IGF2BP2: variants seen among roughly 807,000 people sequenced by gnomAD.
The protein encoded by IGF2BP2 is insulin like growth factor 2 mRNA binding protein 2.
A neutral mutation model predicts 75.8 loss-of-function variants in IGF2BP2; 17 were observed. That is an observed-to-expected ratio of 0.22 (90% CI 0.15 to 0.34). IGF2BP2 has a LOEUF of 0.34. Ranked by LOEUF, IGF2BP2 falls within the 10% of genes least tolerant of loss-of-function variation. The pLI, the probability that IGF2BP2 is intolerant of heterozygous loss-of-function variation, is 1.00. For missense variants in IGF2BP2, 516 were observed against 772.4 expected, an observed-to-expected ratio of 0.67 and a Z score of 3.93; for synonymous variants, 288 against 295.6, an observed-to-expected ratio of 0.97 and a Z score of 0.26.
chr3:185,808,578 G>GTCTC (rs368893726), intron 2 of IGF2BP2, among the ~76,000 whole-genome samples: 3 of 150,034 alleles, frequency 2.0e-5, no homozygotes, highest in Non-Finnish European at 3.0e-5. Context: ...CTGAGACAGG[G>GTCTC]TCTCTCTCTC....
intron 7 of IGF2BP2, among the ~76,000 whole-genome samples, chr3:185,677,569 G>A (rs1163488482): frequency 4.2e-4 from 64 of 152,090 alleles, no homozygotes; most frequent in Non-Finnish European, 1.5e-4. Flanking sequence ...AAGAAACAGA[G>A]AAGCATGACC....
rs981132159 is a variant in IGF2BP2, at chr3:185,688,656, GA to G, written c.677+698del. On this transcript the variant is annotated intron_variant, in intron 6 of 15. Coordinates refer to ENST00000382199, the MANE Select transcript of IGF2BP2 (RefSeq NM_006548.6). Reference sequence around the variant, plus strand: ...CTGTAATACAGAGGGTGCCCAGCCAGAACCCTCTTTTTATAGAAGAGGCAAC... The same window carrying G: ...CTGTAATACAGAGGGTGCCCAGCCAGACCCTCTTTTTATAGAAGAGGCAAC... Among the ~76,000 whole-genome samples the G allele has an allele frequency of 2.4e-3, 362 of 152,272 alleles. 2 individuals are homozygous for G. Among genetic ancestry groups the G allele is most frequent in the African/African-American group, 7.7e-3 (321 of 41,568 alleles).
intron 2 of IGF2BP2, among the ~76,000 whole-genome samples, chr3:185,743,329 G>A (rs1248073607): frequency 2.0e-5 from 3 of 152,096 alleles, no homozygotes; most frequent in Non-Finnish European, 4.4e-5. Flanking sequence ...AGGCTGGAGT[G>A]CAGTAACACG....
At chr3:185,670,489 T>A (rs947109456) in intron 10 of IGF2BP2, among the ~76,000 whole-genome samples, 1 of 152,216 alleles carries the variant, frequency 6.6e-6, no homozygotes, top group African/African-American at 2.4e-5. Context: ...AAAACTTTAT[T>A]AATGAAAATA....
At chr3:185,738,737 A>T (rs1729162735) in intron 2 of IGF2BP2, among the ~76,000 whole-genome samples, 1 of 152,252 alleles carries the variant, frequency 6.6e-6, no homozygotes. Flanking sequence ...CTGGTACTTC[A>T]TCCAACAAAG....
chr3:185,691,902 T>C (rs1722000675), intron 5 of IGF2BP2, among the ~76,000 whole-genome samples: 1 of 152,160 alleles, frequency 6.6e-6, no homozygotes, highest in South Asian at 2.1e-4. Context: ...TCCCAGCTAA[T>C]TTTTAAATTG....
intron 2 of IGF2BP2, among the ~76,000 whole-genome samples, chr3:185,819,848 G>T (rs1741095241): frequency 6.6e-6 from 1 of 151,652 alleles, no homozygotes; most frequent in African/African-American, 2.4e-5. Context: ...GAGATTGGAT[G>T]TTTTTTTCTT....
At position 185,704,227 on chromosome 3, in the gene IGF2BP2, A is replaced by C. The variant is rs1578030790; in HGVS notation, c.240-5880T>G. On this transcript the variant is annotated intron_variant, in intron 2 of 15. Transcript: ENST00000382199. ...CCGGCCCCGAGCTGGGACAGAAACC[A>C]CCAGCGCTCCCAGCCCTCCTCCCCT... is the stretch of plus-strand genomic sequence containing the variant. Among the ~76,000 whole-genome samples the C allele has an allele frequency of 2.6e-5, 4 of 152,324 alleles. No individual in the cohort carries two copies. In the South Asian group the frequency reaches 6.2e-4, roughly 24 times the overall value.
intron 2 of IGF2BP2, among the ~76,000 whole-genome samples, chr3:185,799,124 G>A (rs1486551303): frequency 6.7e-6 from 1 of 150,058 alleles, no homozygotes; most frequent in Non-Finnish European, 1.5e-5. Context: ...TGCAGGCCGG[G>A]CACAGTGGCT....
At chr3:185,778,295 T>TA (rs1332605422) in intron 2 of IGF2BP2, among the ~76,000 whole-genome samples, 1 of 151,986 alleles carries the variant, frequency 6.6e-6, no homozygotes, top group East Asian at 1.9e-4. Context: ...AGGGACAACT[T>TA]AGACACGCCA....
chr3:185,687,286 CACAG>C, intron 6 of IGF2BP2, 95 bp from the exon 7 acceptor site: 1 of 1,299,386 alleles, frequency 7.7e-7, no homozygotes, highest in South Asian at 1.6e-5. Context: ...ACAGCAAGGA[CACAG>C]ACAGACAAGG....
At chr3:185,657,823 G>A (rs184993571) in intron 11 of IGF2BP2, among the ~76,000 whole-genome samples, 32 of 152,302 alleles carry the variant, frequency 2.1e-4, no homozygotes, top group African/African-American at 7.2e-4. Context: ...AACACATCTG[G>A]TATCCGGAGA....
chr3:185,672,583 C>G lies in IGF2BP2; in HGVS notation c.1158G>C (p.Gly386=). 6.2e-7 allele frequency: 1 copy of G among 1,613,580 alleles called. No homozygotes were observed. Among genetic ancestry groups the G allele is most frequent in the Non-Finnish European group, 8.5e-7 (1 of 1,179,706 alleles). Residue 386 remains glycine (G), a synonymous_variant, in exon 10 of 16, where the codon GGG becomes GGC. Transcript: ENST00000382199. ...GGGCAGCGGGGGGAGCTCCGCGGGG[C>G]CCTGCTGGTGGAGATAGCACGGACA... ...TGLSVLSPPA[G]PRGAPPAAPY... is the part of the protein sequence containing the mutation.
chr3:185,692,960 C>T (rs1367851634), intron 4 of IGF2BP2, among the ~76,000 whole-genome samples, 198 bp from the exon 5 acceptor site: 2 of 152,256 alleles, frequency 1.3e-5, no homozygotes, highest in African/African-American at 4.8e-5. Flanking sequence ...TGTAATCAAT[C>T]GTATGAACAA....
chr3:185,786,126 C>T (rs534794184), intron 2 of IGF2BP2, among the ~76,000 whole-genome samples: 1 of 151,902 alleles, frequency 6.6e-6, no homozygotes, highest in African/African-American at 2.4e-5. Context: ...ACTACCCCCG[C>T]CAAGAAATTT....
chr3:185,694,324 G>C (rs1023159358), intron 4 of IGF2BP2, among the ~76,000 whole-genome samples: 5 of 152,186 alleles, frequency 3.3e-5, no homozygotes, highest in African/African-American at 1.2e-4. Context: ...CTCCCAGAAA[G>C]GGCTGGGTTT....
At chr3:185,723,898 C>A (rs181518691) in intron 2 of IGF2BP2, among the ~76,000 whole-genome samples, 34 of 152,306 alleles carry the variant, frequency 2.2e-4, no homozygotes, top group African/African-American at 7.7e-4. Context: ...AGTGATCCTG[C>A]AGAGAAAACA....
At chr3:185,792,578 ACATGGTGAAACCC>A (rs1736798246) in intron 2 of IGF2BP2, among the ~76,000 whole-genome samples, 1 of 152,142 alleles carries the variant, frequency 6.6e-6, no homozygotes, top group East Asian at 1.9e-4. Context: ...AGCCTGGTCA[ACATGGTGAAACCC>A]CATCTCTACT....
At chr3:185,720,385 C>T (rs1251674945) in intron 2 of IGF2BP2, among the ~76,000 whole-genome samples, 1 of 152,148 alleles carries the variant, frequency 6.6e-6, no homozygotes, top group Admixed American at 6.5e-5. Context: ...GCTCTTGCTG[C>T]CCAGGCTGGA....
Sources: allele counts gnomAD v4.1 joint callset (sites outside exome capture counted in the v4.1 genomes callset), GRCh38; gene constraint gnomAD v4.1.1; transcripts MANE v1.5; gene names NCBI Gene and HGNC (gene_info 2026-07-23, HGNC 2026-07-21).